TRA2A: variants seen among roughly 807,000 people sequenced by gnomAD.
The protein encoded by TRA2A is transformer 2 alpha homolog, also known as transformer-2 protein homolog alpha.
Under a neutral mutation model 45.7 loss-of-function variants are expected in TRA2A, and 31 were observed. That is an observed-to-expected ratio of 0.68 (90% CI 0.51 to 0.92). The LOEUF is 0.92. TRA2A is among the 40% of genes least tolerant of loss of function. The pLI is 0.00. For missense variants in TRA2A, 304 were observed against 367.5 expected, an observed-to-expected ratio of 0.83 and a Z score of 1.41; for synonymous variants, 132 against 126.2, an observed-to-expected ratio of 1.05 and a Z score of -0.31.
In TRA2A at chr7:23,506,268, T is replaced by C; in HGVS notation, c.642-2A>G. On this transcript the variant is annotated splice_acceptor_variant, in intron 5 of 7. Coordinates refer to ENST00000297071, the MANE Select transcript of TRA2A (RefSeq NM_013293.5). LOFTEE classifies it high-confidence loss of function. The stretch of plus-strand genomic sequence containing the variant: ...CCTCCTCCACCACCCCCACCACTAC[T>C]GCAGAAAAATGTAAAAATTCTCCAT... The C allele has an allele frequency of 1.4e-6, 2 of 1,436,482 alleles. No homozygotes were observed. Among genetic ancestry groups the C allele is most frequent in the Middle Eastern group, 1.9e-4 (1 of 5,184 alleles). The allele number at this position is 1,436,482 out of a possible 1,614,324, so 89.0% of individuals were successfully genotyped here.
In TRA2A at chr7:23,515,978, C is replaced by T. The variant is rs373573975; in HGVS notation, c.336+385G>A. The stretch of plus-strand genomic sequence containing the variant: ...TCACCTGAGGTCAGGAGTTTGAGAC[C>T]AGAGGGGTCAACATGGTGAAACCCC... On this transcript the variant is annotated intron_variant, in intron 3 of 7. Coordinates refer to ENST00000297071, the MANE Select transcript of TRA2A (RefSeq NM_013293.5). Among the ~76,000 whole-genome samples, 26 of 151,802 alleles carry T rather than the reference C, an allele frequency of 1.7e-4. 1 individual carries two copies. The highest frequency in any genetic ancestry group is 5.9e-5 in the Non-Finnish European group (4 of 67,938).
chr7:23,511,051 A>G (rs1789577667), intron 4 of TRA2A, among the ~76,000 whole-genome samples: 1 of 152,050 alleles, frequency 6.6e-6, no homozygotes, highest in Non-Finnish European at 1.5e-5. Context: ...TACCCACCAG[A>G]TGCCAAGAAC....
At chr7:23,511,576 C>T (rs1789624299) in intron 4 of TRA2A, among the ~76,000 whole-genome samples, 1 of 151,804 alleles carries the variant, frequency 6.6e-6, no homozygotes, top group Admixed American at 6.6e-5. Flanking sequence ...TTACTATCAA[C>T]TTTTAGTAAA....
At chr7:23,514,449 T>C (rs1386451708) in intron 3 of TRA2A, among the ~76,000 whole-genome samples, 2 of 152,120 alleles carry the variant, frequency 1.3e-5, no homozygotes. Flanking sequence ...TTTATAAGAG[T>C]GAAACTCCGT....
chr7:23,508,250 G>C (rs894602240), intron 4 of TRA2A, among the ~76,000 whole-genome samples: 13 of 136,586 alleles, frequency 9.5e-5, no homozygotes, highest in African/African-American at 2.8e-4. Flanking sequence ...TTCTCCGTAA[G>C]AGTGTCCCAT....
intron 7 of TRA2A, 55 bp downstream of exon 7, chr7:23,505,691 T>C: frequency 8.6e-7 from 1 of 1,158,822 alleles, no homozygotes; most frequent in Non-Finnish European, 1.2e-6. Flanking sequence ...TATTCTAAAG[T>C]AAGCCATTAA....
intron 5 of TRA2A, 83 bp downstream of exon 5, chr7:23,507,337 G>A (rs927657208): frequency 1.8e-6 from 2 of 1,088,138 alleles, no homozygotes; most frequent in South Asian, 2.7e-5. Context: ...TCTAATTATA[G>A]GAAAAAAGTT....
intron 5 of TRA2A, 162 bp downstream of exon 5, chr7:23,507,258 C>T (rs1033240620): frequency 3.5e-5 from 21 of 594,148 alleles, no homozygotes; most frequent in African/African-American, 3.0e-4. Context: ...TGCCACCACA[C>T]CTGGCTGATT....
intron 1 of TRA2A, among the ~76,000 whole-genome samples, chr7:23,529,006 G>T (rs1247832849): frequency 6.6e-6 from 1 of 152,102 alleles, no homozygotes; most frequent in Non-Finnish European, 1.5e-5. Flanking sequence ...ATCAACACTG[G>T]GATGCTGTAT....
At chr7:23,524,498 T>C (rs560731083) in intron 1 of TRA2A, among the ~76,000 whole-genome samples, 34 of 151,890 alleles carry the variant, frequency 2.2e-4, no homozygotes, top group Admixed American at 2.0e-3. Context: ...TCAGATTTAT[T>C]TTAAAAGAAG....
In TRA2A at chr7:23,516,439, T is replaced by A; in HGVS notation, c.260A>T (p.Tyr87Phe). 1 of 1,614,248 alleles carries A rather than the reference T, an allele frequency of 6.2e-7. No individual in the cohort carries two copies. Among genetic ancestry groups the A allele is most frequent in the South Asian group, 1.1e-5 (1 of 91,090 alleles). The change falls in exon 3 of 8, where the codon TAT (tyrosine) becomes TTT (phenylalanine). Residue 87 changes from tyrosine to phenylalanine, a missense_variant. Physicochemically the swap from Tyr to Phe is conservative, Grantham distance 22. Around this residue, in one of 3 missense-constraint regions of TRA2A, gnomAD observed 132 missense variants for 113.4 expected, o/e 1.16. Coordinates refer to ENST00000297071, the MANE Select transcript of TRA2A (RefSeq NM_013293.5). Reference sequence around the variant, plus strand: ...CCTTCGCCGCCGGTATTCTGGTGTATATGATCTACTTCGAGATCGTCTCCT... The same window carrying A: ...CCTTCGCCGCCGGTATTCTGGTGTAAATGATCTACTTCGAGATCGTCTCCT... ...SHRRRSRSRS[Y>F]TPEYRRRRSR...
intron 3 of TRA2A, 43 bp downstream of exon 3, chr7:23,516,320 A>T: frequency 6.2e-7 from 1 of 1,607,280 alleles, no homozygotes; most frequent in Non-Finnish European, 8.5e-7. Flanking sequence ...CTAAACACAT[A>T]AAAGAGAAAA....
chr7:23,529,595 CT>C lies in TRA2A; in HGVS notation c.36+2193del, dbSNP rs375000239. On this transcript the variant is annotated intron_variant, in intron 1 of 7. Transcript: ENST00000297071. ...TTTAAAAAGGGCATCTCCAGACAAG[CT>C]TCTCGCATTGTTCTAATTCTTTAAC... 2.9e-4 allele frequency among the ~76,000 whole-genome samples: 44 copies of C among 152,270 alleles called. No homozygotes were observed. In the East Asian group the frequency reaches 6.0e-3, roughly 21 times the overall value.
intron 7 of TRA2A, 33 bp from the exon 8 acceptor site, chr7:23,505,602 A>AG (rs1789292727): frequency 1.7e-6 from 1 of 605,428 alleles, no homozygotes; most frequent in South Asian, 2.1e-5. Context: ...AAAAAAAAAA[A>AG]AAAAAAGTTA....
chr7:23,526,983 A>G (rs75476400), intron 1 of TRA2A, among the ~76,000 whole-genome samples: 8,498 of 152,240 alleles, frequency 0.056, 811 homozygotes, highest in African/African-American at 0.2. Context: ...AATCTTTTGT[A>G]CAAATTTTAA....
At chr7:23,512,738 A>C (rs1422033106) in intron 4 of TRA2A, among the ~76,000 whole-genome samples, 156 bp downstream of exon 4, 1 of 151,530 alleles carries the variant, frequency 6.6e-6, no homozygotes, top group African/African-American at 2.4e-5. Flanking sequence ...GATTACAGAC[A>C]TGAGCCACCG....
chr7:23,505,359 T>A lies in TRA2A; in HGVS notation c.*200A>T. On this transcript the variant is annotated 3_prime_UTR_variant, in exon 8 of 8. Transcript: ENST00000297071. ...ACTCAAGATGTTTAACTGTTCAAAA[T>A]GACAACAATTACATCTTTTAAGAGT... The A allele has an allele frequency of 4.7e-6, 2 of 427,296 alleles. No individual in the cohort carries two copies. 26.5% of individuals were successfully genotyped at this position (427,296 alleles called of 1,614,324 possible). A position where few individuals can be genotyped will look rare whatever the true frequency, so the allele number is the denominator to read the frequency against.
chr7:23,508,987 A>AT (rs1022657198), intron 4 of TRA2A, among the ~76,000 whole-genome samples: 1 of 151,018 alleles, frequency 6.6e-6, no homozygotes, highest in African/African-American at 2.4e-5. Flanking sequence ...TTCTGGGACA[A>AT]TTTTTTTTTC....
At chr7:23,528,836 A>C (rs568356909) in intron 1 of TRA2A, among the ~76,000 whole-genome samples, 1 of 152,170 alleles carries the variant, frequency 6.6e-6, no homozygotes, top group Non-Finnish European at 1.5e-5. Flanking sequence ...CAGGGCCTGT[A>C]GGAGTCTCTC....
Sources: gnomAD v4.1 joint callset for allele counts (sites outside exome capture counted in the v4.1 genomes callset) on GRCh38, gnomAD v4.1.1 for gene constraint, gnomAD v4.1.1 regional missense constraint, MANE v1.5 for transcripts, NCBI Gene and HGNC (gene_info 2026-07-23, HGNC 2026-07-21) for gene names.